POLD3: variants seen among roughly 807,000 people sequenced by gnomAD.
POLD3 encodes the protein DNA polymerase delta subunit 3.
Under a neutral mutation model 58.2 loss-of-function variants are expected in POLD3, and 19 were observed. The observed-to-expected ratio is 0.33, with a 90% CI of 0.23 to 0.48. The LOEUF (loss-of-function observed/expected upper bound fraction) is 0.48. Ranked by LOEUF, POLD3 falls within the 20% of genes least tolerant of loss-of-function variation. POLD3 has a pLI of 0.99. For missense variants in POLD3, 504 were observed against 545.5 expected, an observed-to-expected ratio of 0.92 and a Z score of 0.76; for synonymous variants, 172 against 193.5, an observed-to-expected ratio of 0.89 and a Z score of 0.92.
At chr11:74,632,182 A>T (rs1434395202) in intron 9 of POLD3, among the ~76,000 whole-genome samples, 2 of 152,286 alleles carry the variant, frequency 1.3e-5, no homozygotes, top group South Asian at 2.1e-4. Context: ...AGGTATTTTT[A>T]AAAAATAGTC....
intron 5 of POLD3, among the ~76,000 whole-genome samples, chr11:74,615,253 C>G (rs1383467050): frequency 2.0e-5 from 3 of 152,152 alleles, no homozygotes; most frequent in African/African-American, 7.2e-5. Context: ...TAGAATAGCA[C>G]TTGGCACATA....
At chr11:74,632,637 C>G (rs926726592) in intron 9 of POLD3, among the ~76,000 whole-genome samples, 1 of 152,164 alleles carries the variant, frequency 6.6e-6, no homozygotes, top group Non-Finnish European at 1.5e-5. Context: ...TCAACTTTCT[C>G]CCATCTGCCT....
intron 5 of POLD3, among the ~76,000 whole-genome samples, chr11:74,615,876 G>A (rs2032066177): frequency 6.6e-6 from 1 of 152,028 alleles, no homozygotes; most frequent in African/African-American, 2.4e-5. Context: ...ATTAATGATA[G>A]ACATTAGTTC....
rs2033034401 is a variant in POLD3, at chr11:74,648,934, C to T, written c.369+12659C>T. Among the ~76,000 whole-genome samples the T allele has an allele frequency of 2.0e-5, 3 of 152,202 alleles. No individual in the cohort carries two copies. The South Asian group carries it at 6.2e-4, about 32-fold the overall frequency. ...TTTTAGGCAGATGACTCCTTTGATC[C>T]CCTTGGAAACTCAGGAGAGGAGAGT... On this transcript the variant is annotated intron_variant, in intron 4 of 4. Transcript: ENST00000524752.
rs1157714437 is a variant in POLD3 at position 74,604,636 on chromosome 11, G to A, written c.117-56G>A. ...TCTTTTAAGTCATTAATTAAGAGTT[G>A]ATCATGTAAAAACTCTTACTGATGT... On this transcript the variant is annotated intron_variant, in intron 2 of 11. Transcript: ENST00000263681. 6.8e-6 allele frequency: 6 copies of A among 884,352 alleles called. No individual in the cohort carries two copies. The African/African-American group carries it at 1.0e-4, about 15-fold the overall frequency. 54.8% of individuals were successfully genotyped at this position (884,352 alleles called of 1,614,324 possible).
In POLD3 at chr11:74,592,651, G is replaced by A. The variant is rs376647679; in HGVS notation, c.-8G>A. 2 of 1,609,506 alleles carry A rather than the reference G, an allele frequency of 1.2e-6. No homozygotes were observed. Among genetic ancestry groups the A allele is most frequent in the Non-Finnish European group, 8.5e-7 (1 of 1,177,786 alleles). On this transcript the variant is annotated 5_prime_UTR_variant, in exon 1 of 12. Coordinates refer to ENST00000263681, the MANE Select transcript of POLD3 (RefSeq NM_006591.3). The stretch of plus-strand genomic sequence containing the variant: ...GGGGTTAGAGGCGGGTCCCAGCGCT[G>A]CCGCACCATGGCGGACCAGCTTTAT...
chr11:74,637,898 CT>C (rs2032796680), intron 11 of POLD3, among the ~76,000 whole-genome samples: 2 of 151,758 alleles, frequency 1.3e-5, no homozygotes, highest in South Asian at 4.2e-4. Flanking sequence ...TTTCCTCTCT[CT>C]GCTCAGACTG....
At chr11:74,648,874 C>A (rs1003613875) in intron 4 of POLD3, among the ~76,000 whole-genome samples, 2 of 152,142 alleles carry the variant, frequency 1.3e-5, no homozygotes, top group African/African-American at 4.8e-5. Flanking sequence ...TTAGAACAAG[C>A]AGAGGAAAAT....
downstream of POLD3, among the ~76,000 whole-genome samples, chr11:74,644,707 G>C (rs148968208): frequency 6.6e-6 from 1 of 152,212 alleles, no homozygotes; most frequent in African/African-American, 2.4e-5. Flanking sequence ...AACCCTTAAT[G>C]TTTTCTGAAC....
chr11:74,611,463 T>TA, intron 3 of POLD3, 36 bp from the exon 4 acceptor site: 1 of 1,344,606 alleles, frequency 7.4e-7, no homozygotes, highest in Non-Finnish European at 1.1e-6. Flanking sequence ...TGCAGATTCT[T>TA]ACATTAAGCA....
At chr11:74,619,917 C>T in intron 6 of POLD3, 100 bp from the exon 7 acceptor site, 2 of 865,858 alleles carry the variant, frequency 2.3e-6, no homozygotes, top group Non-Finnish European at 3.9e-6. Context: ...AGAGACTATA[C>T]CATCGCAACA....
downstream of POLD3, among the ~76,000 whole-genome samples, chr11:74,645,656 A>G (rs1433569862): frequency 6.6e-6 from 1 of 152,242 alleles, no homozygotes. Context: ...GAAATAATGC[A>G]TGGGCAGTCC....
chr11:74,621,284 T>C (rs987472142), intron 7 of POLD3, among the ~76,000 whole-genome samples: 4 of 152,106 alleles, frequency 2.6e-5, no homozygotes, highest in African/African-American at 4.8e-5. Context: ...TAGATTCTTA[T>C]AGGATTGTGA....
At chr11:74,616,285 C>T (rs117909534) in intron 5 of POLD3, among the ~76,000 whole-genome samples, 2 of 152,320 alleles carry the variant, frequency 1.3e-5, no homozygotes, top group East Asian at 1.9e-4. Context: ...TTATCTCCAA[C>T]AAATGAGTTT....
chr11:74,644,118 T>A (rs1642223195), downstream of POLD3, among the ~76,000 whole-genome samples: 1 of 152,206 alleles, frequency 6.6e-6, no homozygotes, highest in Non-Finnish European at 1.5e-5. Context: ...AGTGAAACAG[T>A]TCTCTATTCC....
Position 74,642,639 on chromosome 11 carries a change from A to C in POLD3, c.*1873A>C, listed in dbSNP as rs2032943158. ...CTCTGAGCTGTCTGCAAGGCTTAGTAAGTATTGAGTGGTGTTTTTTTTTTC... is the reference window on the plus strand; with the variant it reads ...CTCTGAGCTGTCTGCAAGGCTTAGTCAGTATTGAGTGGTGTTTTTTTTTTC... On this transcript the variant is annotated 3_prime_UTR_variant, in exon 12 of 12. Coordinates refer to ENST00000263681, the MANE Select transcript of POLD3 (RefSeq NM_006591.3). 6 of 983,368 alleles carry C rather than the reference A, an allele frequency of 6.1e-6. No homozygotes were observed. Among genetic ancestry groups the C allele is most frequent in the Middle Eastern group, 1.0e-3 (2 of 1,910 alleles). The allele number at this position is 983,368 out of a possible 1,614,324, so 60.9% of individuals were successfully genotyped here. A position where few individuals can be genotyped will look rare whatever the true frequency, so the allele number is the denominator to read the frequency against.
intron 8 of POLD3, 102 bp downstream of exon 8, chr11:74,625,675 C>T (rs1591309796): frequency 3.4e-6 from 3 of 883,992 alleles, no homozygotes; most frequent in Non-Finnish European, 5.2e-6. Flanking sequence ...AGTACTAAAT[C>T]CTACTTAATG....
At chr11:74,604,214 T>C (rs1379298139) in intron 2 of POLD3, among the ~76,000 whole-genome samples, 8 of 152,206 alleles carry the variant, frequency 5.3e-5, no homozygotes, top group Non-Finnish European at 1.0e-4. Context: ...AAACATTTGC[T>C]GAAACTTTAG....
chr11:74,592,670 G>C lies in POLD3; in HGVS notation c.12G>C (p.Gln4His). The C allele has an allele frequency of 1.2e-6, 2 of 1,613,400 alleles. No individual in the cohort carries two copies. Among genetic ancestry groups the C allele is most frequent in the Non-Finnish European group, 1.7e-6 (2 of 1,179,724 alleles). The stretch of plus-strand genomic sequence containing the variant: ...AGCGCTGCCGCACCATGGCGGACCA[G>C]CTTTATCTGGAAAATATAGACGAGT... MAD[Q>H]LYLENIDEFV... Residue 4 changes from glutamine to histidine, a missense_variant, in exon 1 of 12, where the codon CAG becomes CAC. This residue lies in a region of POLD3 where 119 missense variants were observed against 175.0 expected (regional missense o/e 0.68). Transcript: ENST00000263681.
Sources: allele counts gnomAD v4.1 joint callset (sites outside exome capture counted in the v4.1 genomes callset), GRCh38; gene constraint gnomAD v4.1.1; regional missense constraint gnomAD v4.1.1; transcripts MANE v1.5; gene names NCBI Gene and HGNC (gene_info 2026-07-23, HGNC 2026-07-21).